Variants in VWA5B1 observed in about 807,000 individuals in gnomAD.
VWA5B1 encodes the protein von Willebrand factor A domain-containing protein 5B1.
A neutral mutation model predicts 118.2 loss-of-function variants in VWA5B1; 115 were observed. The observed-to-expected ratio is 0.97, with a 90% CI of 0.84 to 1.14. The LOEUF is 1.14. VWA5B1 is among the 50% of genes most tolerant of loss of function. The probability of loss-of-function intolerance (pLI) is 0.00; values close to 1 mark genes in which losing one functional copy is unlikely to be tolerated. For synonymous variants in VWA5B1, 682 were observed against 658.4 expected, an observed-to-expected ratio of 1.04 and a Z score of -0.55; for missense variants, 1,596 against 1,603.8, an observed-to-expected ratio of 1.00 and a Z score of 0.08.
At position 20,297,603 on chromosome 1, in the gene VWA5B1, G is replaced by C. The variant is rs148416716; in HGVS notation, c.-27+6515G>C. Among the ~76,000 whole-genome samples, 15 of 152,362 alleles carry C rather than the reference G, an allele frequency of 9.8e-5. No homozygotes were observed. The East Asian group carries it at 2.9e-3, about 29-fold the overall frequency. On this transcript the variant is annotated intron_variant, in intron 1 of 21. Transcript: ENST00000289815. ...CATAGCCTTGATCAGAATACTTATA[G>C]GAAATAGGGGAGAAAGGACAGGTCA...
At chr1:20,326,939 T>A (rs1284920762) in intron 8 of VWA5B1, among the ~76,000 whole-genome samples, 2 of 152,040 alleles carry the variant, frequency 1.3e-5, no homozygotes, top group Non-Finnish European at 2.9e-5. Flanking sequence ...CTCAGAGGGG[T>A]GACATAACTT....
At chr1:20,303,889 A>G (rs561764326) in intron 1 of VWA5B1, among the ~76,000 whole-genome samples, 5 of 152,348 alleles carry the variant, frequency 3.3e-5, no homozygotes, top group Admixed American at 6.5e-5. Flanking sequence ...ACTGGGAAGC[A>G]GCCTGAGCAG....
chr1:20,321,289 G>A (rs192137589), intron 7 of VWA5B1, among the ~76,000 whole-genome samples: 115 of 152,252 alleles, frequency 7.6e-4, no homozygotes, highest in African/African-American at 2.8e-3. Flanking sequence ...AAAGACAGAG[G>A]AAGAAAAGCA....
intron 1 of VWA5B1, among the ~76,000 whole-genome samples, chr1:20,302,277 C>G (rs949066480): frequency 3.9e-5 from 6 of 152,120 alleles, no homozygotes; most frequent in Middle Eastern, 3.2e-3. Flanking sequence ...ACAGCTATCT[C>G]CAGGATAGAA....
At chr1:20,337,064 C>G (rs1053551474) in intron 13 of VWA5B1, among the ~76,000 whole-genome samples, 1 of 152,012 alleles carries the variant, frequency 6.6e-6, no homozygotes, top group Admixed American at 6.6e-5. Flanking sequence ...GAGAGTGTGA[C>G]ACTTAGAAAG....
chr1:20,324,508 G>C (rs11800294), intron 8 of VWA5B1, among the ~76,000 whole-genome samples: 41,191 of 152,094 alleles, frequency 0.27, 5,872 homozygotes, highest in East Asian at 0.52. Flanking sequence ...CCTCTCACCT[G>C]TCTTTTTCCA....
chr1:20,317,754 G>GACCC, intron 5 of VWA5B1, 79 bp downstream of exon 5: 4 of 483,716 alleles, frequency 8.3e-6, no homozygotes, highest in Non-Finnish European at 1.5e-5. Flanking sequence ...ACGGGGGTGG[G>GACCC]AAGGAAAGCC....
Position 20,291,034 on chromosome 1 carries a change from T to A in VWA5B1, c.-81T>A, listed in dbSNP as rs1168345721. On this transcript the variant is annotated 5_prime_UTR_variant, in exon 1 of 22. Transcript: ENST00000289815. ...AGTGCTGGGTGCAGAAGGCAGTCAC[T>A]GTGGCAGTGGAGAGACAGAGTGTGT... The A allele has an allele frequency of 6.6e-6, 1 of 152,340 alleles. No individual in the cohort carries two copies. The highest frequency in any genetic ancestry group is 1.5e-5 in the Non-Finnish European group (1 of 68,104). 9.4% of individuals were successfully genotyped at this position (152,340 alleles called of 1,614,324 possible). A position where few individuals can be genotyped will look rare whatever the true frequency, so the allele number is the denominator to read the frequency against.
In VWA5B1 at chr1:20,318,464, G is replaced by A. The variant is rs768034076; in HGVS notation, c.710-126G>A. The A allele has an allele frequency of 3.6e-6, 5 of 1,380,856 alleles. No homozygotes were observed. In the South Asian group the frequency reaches 6.2e-5, roughly 17 times the overall value. The allele number at this position is 1,380,856 out of a possible 1,614,324, so 85.5% of individuals were successfully genotyped here. ...CAGCCTGGCCATGGTCACACTGCAG[G>A]TCAGGAGCCCCTAACGGGGCTGGCA... On this transcript the variant is annotated intron_variant, in intron 5 of 21. Coordinates refer to ENST00000289815, the MANE Select transcript of VWA5B1 (RefSeq NM_001039500.3).
intron 9 of VWA5B1, among the ~76,000 whole-genome samples, chr1:20,329,756 T>C (rs537916674): frequency 6.7e-6 from 1 of 149,488 alleles, no homozygotes; most frequent in Admixed American, 6.7e-5. Context: ...ATTAGAGAAA[T>C]GATTTTCTCA....
intron 16 of VWA5B1, among the ~76,000 whole-genome samples, chr1:20,344,931 G>T (rs1018732521): frequency 6.6e-6 from 1 of 152,094 alleles, no homozygotes; most frequent in Non-Finnish European, 1.5e-5. Flanking sequence ...AAAGGGATTG[G>T]GCTCTGGGGT....
chr1:20,350,185 AGCGAG>A lies in VWA5B1; in HGVS notation c.2911_2915del (p.Glu971GlnfsTer12). ...GGAGGCAAGTCCCACTGCTCTCTTCAGCGAGGCCAGGTCCCCCGGCCGCGAGAAGC... is the reference window on the plus strand; with the variant it reads ...GGAGGCAAGTCCCACTGCTCTCTTCAGCCAGGTCCCCCGGCCGCGAGAAGC... On this transcript the variant is annotated frameshift_variant, in exon 19 of 22. Coordinates refer to ENST00000289815, the MANE Select transcript of VWA5B1 (RefSeq NM_001039500.3). LOFTEE classifies it high-confidence loss of function. 1 of 1,551,226 alleles carries A rather than the reference AGCGAG, an allele frequency of 6.4e-7. No homozygotes were observed. The highest frequency in any genetic ancestry group is 8.7e-7 in the Non-Finnish European group (1 of 1,146,986).
intron 14 of VWA5B1, among the ~76,000 whole-genome samples, chr1:20,341,681 T>A (rs1427386123): frequency 6.6e-6 from 1 of 152,234 alleles, no homozygotes; most frequent in Admixed American, 6.5e-5. Flanking sequence ...TTGAAAATGA[T>A]CTTTGTCATG....
chr1:20,343,431 CT>C (rs1402631181), intron 16 of VWA5B1, 38 bp downstream of exon 16: 1 of 1,475,454 alleles, frequency 6.8e-7, no homozygotes, highest in African/African-American at 1.4e-5. Context: ...CGCGGACGGC[CT>C]CCGGAGGACA....
In VWA5B1 at chr1:20,306,799, T is replaced by C. The variant is rs550204856; in HGVS notation, c.-26-3777T>C. 2.6e-5 allele frequency among the ~76,000 whole-genome samples: 4 copies of C among 152,278 alleles called. No homozygotes were observed. The East Asian group carries it at 5.8e-4, about 22-fold the overall frequency. ...ACCTCTCTAAGCCGTATAGAACTCT[T>C]AGCATCCAAGTTGGACCCAACATTT... On this transcript the variant is annotated intron_variant, in intron 1 of 21. Transcript: ENST00000289815.
At chr1:20,299,210 G>A (rs960553280) in intron 1 of VWA5B1, among the ~76,000 whole-genome samples, 7 of 151,988 alleles carry the variant, frequency 4.6e-5, no homozygotes. Context: ...GGGAAACTCG[G>A]TATCCTAAAT....
intron 14 of VWA5B1, chr1:20,339,154 T>C (rs1233423411): frequency 1.3e-5 from 2 of 152,246 alleles, no homozygotes; most frequent in Non-Finnish European, 2.9e-5. Flanking sequence ...CAACCAAAAA[T>C]GTCTGCAGAC....
At chr1:20,305,055 C>A (rs2100816272) in intron 1 of VWA5B1, among the ~76,000 whole-genome samples, 1 of 152,254 alleles carries the variant, frequency 6.6e-6, no homozygotes, top group Non-Finnish European at 1.5e-5. Context: ...AAAACAAAAT[C>A]CTGGCCCTCA....
At position 20,346,207 on chromosome 1, in the gene VWA5B1, T is replaced by C. The variant is rs143529068; in HGVS notation, c.2764+614T>C. Among the ~76,000 whole-genome samples, 311 of 110,796 alleles carry C rather than the reference T, an allele frequency of 2.8e-3. 1 individual carries two copies. The highest frequency in any genetic ancestry group is 3.0e-3 in the Non-Finnish European group (164 of 54,898). The allele number at this position is 110,796 out of a possible 152,430, so 72.7% of individuals were successfully genotyped here. On this transcript the variant is annotated intron_variant, in intron 17 of 21. Coordinates refer to ENST00000289815, the MANE Select transcript of VWA5B1 (RefSeq NM_001039500.3). ...CAAAGCACTTTGTATATATTTTCAA[T>C]CCTTTAATCCTCAAAAACAGCTCTA...
Sources: allele counts gnomAD v4.1 joint callset (sites outside exome capture counted in the v4.1 genomes callset), GRCh38; gene constraint gnomAD v4.1.1; transcripts MANE v1.5; gene names NCBI Gene and HGNC (gene_info 2026-07-23, HGNC 2026-07-21).